The following TXNDC11 variants were observed in gnomAD, a reference collection of about 807,000 sequenced individuals.
The protein encoded by TXNDC11 is thioredoxin domain containing 11.
In TXNDC11, 68 loss-of-function variants were observed where a neutral mutation model predicts 78.0. That is an observed-to-expected ratio of 0.87 (90% CI 0.72 to 1.07). The LOEUF is 1.07. Among genes scored for constraint, TXNDC11 ranks in the 50% least tolerant of loss-of-function variants. The probability of loss-of-function intolerance (pLI) is 0.00; values close to 1 mark genes in which losing one functional copy is unlikely to be tolerated. For synonymous variants in TXNDC11, 571 were observed against 495.2 expected (o/e 1.15, Z -2.03); for missense variants, 1,389 against 1,221.8 (o/e 1.14, Z -2.04).
intron 1 of TXNDC11, among the ~76,000 whole-genome samples, chr16:11,741,186 C>A (rs2052380341): frequency 6.6e-6 from 1 of 152,142 alleles, no homozygotes; most frequent in Non-Finnish European, 1.5e-5. Context: ...CTAAAATCCC[C>A]GATCTTTTGA....
Position 11,691,757 on chromosome 16 carries a change from T to C in TXNDC11, c.1433A>G (p.Lys478Arg), listed in dbSNP as rs1331277380. 2 of 1,614,108 alleles carry C rather than the reference T, an allele frequency of 1.2e-6. No individual in the cohort carries two copies. Among genetic ancestry groups the C allele is most frequent in the Non-Finnish European group, 1.7e-6 (2 of 1,180,040 alleles). The change falls in exon 8 of 12, where the codon AAG (lysine) becomes AGG (arginine). Residue 478 changes from lysine (K) to arginine (R), a missense_variant. Lys to Arg is a conservative substitution (Grantham distance 26, BLOSUM62 2). Transcript: ENST00000283033. The stretch of plus-strand genomic sequence containing the variant: ...TGCCACATGATAAAAGGTCTGCTCC[T>C]TGAGGTAGAAAGAATCCAGAGCTGC... ...MAAALDSFYL[K>R]EQTFYHVASD...
Position 11,736,202 on chromosome 16 carries a change from G to T in TXNDC11, c.286C>A (p.Pro96Thr). Residue 96 changes from proline (P) to threonine (T), a missense_variant, in exon 2 of 12, where the codon CCA (proline) becomes ACA (threonine). Pro to Thr is a conservative substitution (Grantham distance 38, BLOSUM62 -1). Coordinates refer to ENST00000283033, the MANE Select transcript of TXNDC11 (RefSeq NM_015914.7). ...CTCAAGGAGAAAAAGCTGACAGGTG[G>T]CTTTGCTGGTATTATCACATCTTTT... ...RAKDVIIPAK[P>T]PVSFFSLRSP... 1 of 1,613,232 alleles carries T rather than the reference G, an allele frequency of 6.2e-7. No homozygotes were observed. The highest frequency in any genetic ancestry group is 8.5e-7 in the Non-Finnish European group (1 of 1,179,534).
At chr16:11,716,584 T>C (rs1292848451) in intron 5 of TXNDC11, among the ~76,000 whole-genome samples, 2 of 152,166 alleles carry the variant, frequency 1.3e-5, no homozygotes, top group East Asian at 1.9e-4. Context: ...TAAACATTAA[T>C]GAGAGATATG....
intron 7 of TXNDC11, among the ~76,000 whole-genome samples, chr16:11,696,451 C>G (rs1177534134): frequency 2.0e-5 from 3 of 152,218 alleles, no homozygotes; most frequent in Non-Finnish European, 4.4e-5. Flanking sequence ...GGACAAGCCT[C>G]TAAGACCACA....
At chr16:11,707,309 T>C (rs897851094) in intron 5 of TXNDC11, among the ~76,000 whole-genome samples, 21 of 151,310 alleles carry the variant, frequency 1.4e-4, no homozygotes, top group African/African-American at 5.1e-4. Flanking sequence ...GTCCCAGCTA[T>C]TTGGGAGGCT....
chr16:11,721,738 A>G (rs2051714160), intron 4 of TXNDC11, 68 bp from the exon 5 acceptor site: 1 of 836,350 alleles, frequency 1.2e-6, no homozygotes, highest in African/African-American at 1.7e-5. Flanking sequence ...AGGATATTTT[A>G]AAGCAAGACA....
Position 11,742,583 on chromosome 16 carries a change from G to A in TXNDC11, c.148C>T (p.Arg50Cys). ...ATASSAGRLRRGLRGAFLMAR... is the reference protein window; with the variant it reads ...ATASSAGRLRCGLRGAFLMAR... ...ATGAGGAAGGCGCCACGCAGCCCGC[G>A]ACGGAGCCGGCCCGCCGAGGACGCT... Residue 50 changes from arginine (R) to cysteine (C), a missense_variant, in exon 1 of 12, where the codon CGC becomes TGC. Physicochemically the swap from Arg to Cys is radical, Grantham distance 180 (BLOSUM62 -3). Coordinates refer to ENST00000283033, the MANE Select transcript of TXNDC11 (RefSeq NM_015914.7). 2.1e-6 allele frequency: 3 copies of A among 1,458,032 alleles called. No individual in the cohort carries two copies. Among genetic ancestry groups the A allele is most frequent in the Non-Finnish European group, 2.7e-6 (3 of 1,111,174 alleles). 90.3% of individuals were successfully genotyped at this position (1,458,032 alleles called of 1,614,324 possible).
chr16:11,684,182 C>A lies in TXNDC11; in HGVS notation c.2217G>T (p.Leu739Phe), dbSNP rs754022116. 2.4e-5 allele frequency: 38 copies of A among 1,613,656 alleles called. No individual in the cohort carries two copies. Among genetic ancestry groups the A allele is most frequent in the Non-Finnish European group, 3.1e-5 (36 of 1,179,804 alleles). ...EFMVDRLPTVLFFPCNRKDLS... is the reference protein window; with the variant it reads ...EFMVDRLPTVFFFPCNRKDLS... ...GGCATTACCTGTTGCAGGGAAAAAA[C>A]AAGACAGTAGGAAGACGATCGACCA... Residue 739 changes from leucine (L) to phenylalanine (F), a missense_variant, in exon 11 of 12, where the codon TTG (leucine) becomes TTT (phenylalanine). Leu to Phe is a conservative substitution (Grantham distance 22). Coordinates refer to ENST00000283033, the MANE Select transcript of TXNDC11 (RefSeq NM_015914.7).
intron 1 of TXNDC11, chr16:11,742,017 G>C (rs2052412078): frequency 6.4e-6 from 1 of 155,260 alleles, no homozygotes; most frequent in Non-Finnish European, 1.4e-5. Context: ...GGGACACAAT[G>C]CGTGACTCCG....
At chr16:11,730,622 G>A (rs2052016955) in intron 4 of TXNDC11, 23 bp downstream of exon 4, 1 of 1,611,110 alleles carries the variant, frequency 6.2e-7, no homozygotes, top group Non-Finnish European at 8.5e-7. Context: ...GAGTATGGAG[G>A]AGGAGATATG....
intron 10 of TXNDC11, among the ~76,000 whole-genome samples, chr16:11,686,708 CTTGT>C (rs2050576070): frequency 6.6e-6 from 1 of 152,244 alleles, no homozygotes; most frequent in African/African-American, 2.4e-5. Context: ...AATTTCCCCA[CTTGT>C]TTATTTACTC....
At chr16:11,728,995 T>C (rs2141107611) in intron 4 of TXNDC11, among the ~76,000 whole-genome samples, 1 of 151,758 alleles carries the variant, frequency 6.6e-6, no homozygotes, top group South Asian at 2.1e-4. Context: ...AGTGAGACCA[T>C]CTCTAAATCA....
chr16:11,709,177 A>G (rs1322172409), intron 5 of TXNDC11, among the ~76,000 whole-genome samples: 1 of 152,114 alleles, frequency 6.6e-6, no homozygotes, highest in Non-Finnish European at 1.5e-5. Flanking sequence ...TAGAAAAAAA[A>G]TCTGGCATTT....
Position 11,732,484 on chromosome 16 carries a change from C to T in TXNDC11, c.569+1498G>A, listed in dbSNP as rs2052085410. Among the ~76,000 whole-genome samples, 3 of 152,290 alleles carry T rather than the reference C, an allele frequency of 2.0e-5. 1 individual carries two copies. In the South Asian group the frequency reaches 6.2e-4, roughly 32 times the overall value. On this transcript the variant is annotated intron_variant, in intron 3 of 11. Transcript: ENST00000283033. ...CTTACCTTTAAAACAAAAACAGTAA[C>T]TCTGAGAAAGTATTCCTGTATCCGA...
At chr16:11,720,707 G>A (rs537541726) in intron 5 of TXNDC11, among the ~76,000 whole-genome samples, 3 of 150,332 alleles carry the variant, frequency 2.0e-5, no homozygotes, top group Admixed American at 6.6e-5. Flanking sequence ...GTGAGCCACC[G>A]TGCCCGACAT....
At position 11,684,223 on chromosome 16, in the gene TXNDC11, G is replaced by A. The variant is rs1302736542; in HGVS notation, c.2176C>T (p.Leu726Phe). Reference protein sequence around the residue: ...VARIDVSQNDLPWEFMVDRLP... With the variant: ...VARIDVSQNDFPWEFMVDRLP... ...CGATCGACCATAAATTCCCAAGGAA[G>A]GTCATTCTGAGACACGTCAATCCTG... The change falls in exon 11 of 12, where the codon CTT becomes TTT. Residue 726 changes from leucine (L) to phenylalanine (F), a missense_variant. Physicochemically the swap from Leu to Phe is conservative, Grantham distance 22. Transcript: ENST00000283033. The A allele has an allele frequency of 6.2e-7, 1 of 1,613,684 alleles. No homozygotes were observed. The highest frequency in any genetic ancestry group is 2.2e-5 in the East Asian group (1 of 44,884).
Position 11,679,115 on chromosome 16 carries a change from A to T in TXNDC11, c.*80T>A. On this transcript the variant is annotated 3_prime_UTR_variant, in exon 12 of 12. Coordinates refer to ENST00000283033, the MANE Select transcript of TXNDC11 (RefSeq NM_015914.7). The surrounding 1 kb of genome is among the most constrained non-coding windows in gnomAD (Gnocchi z 4.6). ...GACCACTGAGAAAATCTTTATTTAC[A>T]ATAAATTTCAATAAAATTTGCATAA... 1 of 1,426,370 alleles carries T rather than the reference A, an allele frequency of 7.0e-7. No individual in the cohort carries two copies. The highest frequency in any genetic ancestry group is 2.4e-5 in the East Asian group (1 of 41,460). 88.4% of individuals were successfully genotyped at this position (1,426,370 alleles called of 1,614,324 possible). A position where few individuals can be genotyped will look rare whatever the true frequency, so the allele number is the denominator to read the frequency against.
chr16:11,686,394 C>T (rs2050568506), intron 10 of TXNDC11, among the ~76,000 whole-genome samples: 1 of 152,210 alleles, frequency 6.6e-6, no homozygotes, highest in Non-Finnish European at 1.5e-5. Flanking sequence ...ACATTCATCT[C>T]CTGGTGGATG....
intron 5 of TXNDC11, among the ~76,000 whole-genome samples, chr16:11,701,325 C>G (rs779978893): frequency 6.6e-6 from 1 of 151,502 alleles, no homozygotes; most frequent in Admixed American, 6.6e-5. Flanking sequence ...TTAGTAGAGA[C>G]GGGGTTTCAC....
Sources: gnomAD v4.1 joint callset for allele counts (sites outside exome capture counted in the v4.1 genomes callset) on GRCh38, gnomAD v4.1.1 for gene constraint, Gnocchi (gnomAD v3.1) non-coding constraint, MANE v1.5 for transcripts, NCBI Gene and HGNC (gene_info 2026-07-23, HGNC 2026-07-21) for gene names.